Variants in DDX10 observed in about 807,000 individuals in gnomAD.
DDX10 encodes DEAD-box helicase 10.
A neutral mutation model predicts 104.3 loss-of-function variants in DDX10; 74 were observed. The ratio of observed to expected loss-of-function variants is 0.71; its 90% CI spans 0.59 to 0.86. DDX10 has a LOEUF of 0.86. DDX10 is among the 40% of genes least tolerant of loss of function. The pLI is 0.00. For synonymous variants in DDX10, 351 were observed against 353.4 expected (o/e 0.99, Z 0.08); for missense variants, 952 against 1,040.0 (o/e 0.92, Z 1.16).
intron 11 of DDX10, among the ~76,000 whole-genome samples, chr11:108,719,042 A>G (rs920562103): frequency 6.6e-6 from 1 of 152,080 alleles, no homozygotes; most frequent in Non-Finnish European, 1.5e-5. Flanking sequence ...TGTATTTGAC[A>G]AACTGATAAA....
intron 16 of DDX10, among the ~76,000 whole-genome samples, chr11:108,864,666 C>G (rs1438162241): frequency 6.6e-6 from 1 of 151,956 alleles, no homozygotes; most frequent in African/African-American, 2.4e-5. Context: ...TCCTGTGTTG[C>G]CCAGGCTGGT....
intron 7 of DDX10, 97 bp downstream of exon 7, chr11:108,689,159 A>T: frequency 6.8e-6 from 9 of 1,331,754 alleles, no homozygotes; most frequent in Non-Finnish European, 9.5e-6. Flanking sequence ...CGAGAAGTAC[A>T]GTGCTAGGTG....
chr11:108,803,925 T>A (rs188453984), intron 13 of DDX10, among the ~76,000 whole-genome samples: 1 of 152,326 alleles, frequency 6.6e-6, no homozygotes, highest in Admixed American at 6.5e-5. Flanking sequence ...CCCATTCCTT[T>A]GACATTTCCT....
intron 17 of DDX10, among the ~76,000 whole-genome samples, chr11:108,936,728 TCTAA>T (rs1188001425): frequency 6.6e-6 from 1 of 152,202 alleles, no homozygotes; most frequent in Non-Finnish European, 1.5e-5. Flanking sequence ...CTTTGGGATT[TCTAA>T]CTTTCTGAAA....
At chr11:108,879,722 A>G (rs1863201945) in intron 16 of DDX10, among the ~76,000 whole-genome samples, 1 of 152,204 alleles carries the variant, frequency 6.6e-6, no homozygotes, top group African/African-American at 2.4e-5. Flanking sequence ...GTGACATTAG[A>G]AATAGAATAA....
chr11:108,864,222 T>G (rs1022624557), intron 16 of DDX10, among the ~76,000 whole-genome samples: 2 of 152,138 alleles, frequency 1.3e-5, no homozygotes, highest in East Asian at 3.8e-4. Context: ...TAACCAGTGG[T>G]TCAATCGCGG....
At chr11:108,726,417 A>G (rs1404283224) in intron 13 of DDX10, among the ~76,000 whole-genome samples, 1 of 152,042 alleles carries the variant, frequency 6.6e-6, no homozygotes, top group Non-Finnish European at 1.5e-5. Context: ...ATGTGCACAT[A>G]TTTTGTTAGA....
intron 13 of DDX10, among the ~76,000 whole-genome samples, chr11:108,805,274 C>T (rs577276005): frequency 2.0e-5 from 3 of 152,336 alleles, no homozygotes; most frequent in Admixed American, 6.5e-5. Flanking sequence ...GTTTCGGTGC[C>T]CTGCCACTCT....
chr11:108,728,504 C>CTTTTTTTTTTTTTTTTT (rs71050884), intron 13 of DDX10, among the ~76,000 whole-genome samples: 2 of 121,780 alleles, frequency 1.6e-5, no homozygotes, highest in African/African-American at 8.2e-5. Flanking sequence ...CACATTTGTT[C>CTTTTTTTTTTTTTTTTT]TTTTTTTTTT....
intron 15 of DDX10, among the ~76,000 whole-genome samples, chr11:108,845,045 A>G (rs113885647): frequency 0.039 from 5,880 of 151,746 alleles, 424 homozygotes; most frequent in African/African-American, 0.13. Flanking sequence ...AAAAATACAG[A>G]AAAAAAACCA....
At chr11:108,880,964 A>G (rs1268569554) in intron 16 of DDX10, among the ~76,000 whole-genome samples, 1 of 152,154 alleles carries the variant, frequency 6.6e-6, no homozygotes, top group Non-Finnish European at 1.5e-5. Flanking sequence ...AAAAAGCCTT[A>G]TTTTTATAAG....
At chr11:108,686,899 C>T (rs532446400) in intron 6 of DDX10, among the ~76,000 whole-genome samples, 59 of 152,132 alleles carry the variant, frequency 3.9e-4, no homozygotes, top group African/African-American at 1.4e-3. Context: ...ATTCTCCTGC[C>T]TCAGCCTCCC....
At chr11:108,701,206 C>T (rs2094267345) in intron 9 of DDX10, among the ~76,000 whole-genome samples, 1 of 152,058 alleles carries the variant, frequency 6.6e-6, no homozygotes, top group Non-Finnish European at 1.5e-5. Context: ...TTGGAATAAG[C>T]TCTCCTTTGT....
intron 13 of DDX10, among the ~76,000 whole-genome samples, chr11:108,830,940 A>C (rs1173311615): frequency 3.3e-5 from 5 of 152,156 alleles, no homozygotes; most frequent in African/African-American, 1.2e-4. Context: ...AATTACTGTA[A>C]TTCATTTGAT....
intron 16 of DDX10, among the ~76,000 whole-genome samples, chr11:108,872,829 C>T (rs1391763959): frequency 6.6e-6 from 1 of 150,992 alleles, no homozygotes; most frequent in African/African-American, 2.4e-5. Context: ...TTCCCCCCCC[C>T]TCCCATTTCC....
At chr11:108,789,190 T>C (rs983070092) in intron 13 of DDX10, among the ~76,000 whole-genome samples, 4 of 152,228 alleles carry the variant, frequency 2.6e-5, no homozygotes, top group Non-Finnish European at 4.4e-5. Context: ...CTTCCTGTTC[T>C]TGTCACACCT....
intron 16 of DDX10, among the ~76,000 whole-genome samples, chr11:108,857,557 A>C (rs1188319662): frequency 6.6e-6 from 1 of 152,120 alleles, no homozygotes; most frequent in African/African-American, 2.4e-5. Flanking sequence ...TTGTGTGCCT[A>C]TCTCTCATCA....
chr11:108,721,268 C>T (rs1490130618), intron 12 of DDX10, among the ~76,000 whole-genome samples: 1 of 152,132 alleles, frequency 6.6e-6, no homozygotes, highest in Non-Finnish European at 1.5e-5. Context: ...TGTAGGGCTG[C>T]TGACTTTCCA....
intron 9 of DDX10, among the ~76,000 whole-genome samples, chr11:108,696,730 G>A (rs1449679701): frequency 6.6e-6 from 1 of 151,776 alleles, no homozygotes; most frequent in Non-Finnish European, 1.5e-5. Context: ...TTTCCTTTTC[G>A]ATATCTTTAA....
Sources: gnomAD v4.1 joint callset for allele counts (sites outside exome capture counted in the v4.1 genomes callset) on GRCh38, gnomAD v4.1.1 for gene constraint, MANE v1.5 for transcripts, NCBI Gene and HGNC (gene_info 2026-07-23, HGNC 2026-07-21) for gene names.